P2RX6: variants seen among roughly 807,000 people sequenced by gnomAD.
P2RX6 encodes purinergic receptor P2X 6.
P2RX6 carries 62 observed loss-of-function variants against 54.2 expected under a neutral mutation model. The observed-to-expected ratio is 1.14, with a 90% CI of 0.93 to 1.41. P2RX6 has a LOEUF of 1.41. P2RX6 is among the 40% of genes most tolerant of loss of function. The pLI, the probability that P2RX6 is intolerant of heterozygous loss-of-function variation, is 0.00. For synonymous variants in P2RX6, 211 were observed against 231.9 expected, an observed-to-expected ratio of 0.91 and a Z score of 0.82; for missense variants, 541 against 566.3, an observed-to-expected ratio of 0.96 and a Z score of 0.45.
chr22:21,022,367 G>A (rs911944682), intron 3 of P2RX6, among the ~76,000 whole-genome samples: 2 of 152,122 alleles, frequency 1.3e-5, no homozygotes, highest in African/African-American at 2.4e-5. Context: ...GAGTGAGACC[G>A]AATCACTAAA....
At chr22:21,021,787 C>T (rs1033319862) in intron 3 of P2RX6, among the ~76,000 whole-genome samples, 1 of 152,112 alleles carries the variant, frequency 6.6e-6, no homozygotes, top group Non-Finnish European at 1.5e-5. Flanking sequence ...CCCCTTCTGC[C>T]AGAGCCCCAT....
chr22:21,012,600 A>G (rs1925802616), upstream of P2RX6: 3 of 607,468 alleles, frequency 4.9e-6, no homozygotes, highest in Non-Finnish European at 9.3e-6. Context: ...CACTGTCCCA[A>G]AAGTTCAGCC....
chr22:21,019,722 G>A (rs751823704), intron 3 of P2RX6, among the ~76,000 whole-genome samples: 2 of 152,250 alleles, frequency 1.3e-5, no homozygotes, highest in Non-Finnish European at 2.9e-5. Context: ...AGAGCTGACA[G>A]CCTCGAACAG....
At chr22:21,009,998 T>G (rs1925648912) in intron 1 of P2RX6, 1 of 152,288 alleles carries the variant, frequency 6.6e-6, no homozygotes, top group Non-Finnish European at 1.5e-5. Flanking sequence ...GGCAGGAAGA[T>G]TCTTTCTTCC....
Position 21,027,047 on chromosome 22 carries a change from C to T in P2RX6, c.*430C>T, listed in dbSNP as rs973788094. ...TGCACCCCCATCATAGGTAGAGACC[C>T]CACCCTCCCATCGGTCCTACATGGG... On this transcript the variant is annotated 3_prime_UTR_variant, in exon 12 of 12. Coordinates refer to ENST00000413302, the MANE Select transcript of P2RX6 (RefSeq NM_005446.5). The T allele has an allele frequency of 4.1e-5, 8 of 197,478 alleles. No homozygotes were observed. Among genetic ancestry groups the T allele is most frequent in the Non-Finnish European group, 8.3e-5 (8 of 96,548 alleles). 12.2% of individuals were successfully genotyped at this position (197,478 alleles called of 1,614,324 possible). A position where few individuals can be genotyped will look rare whatever the true frequency, so the allele number is the denominator to read the frequency against.
upstream of P2RX6, chr22:21,011,578 A>G (rs442041): frequency 1.3e-4 from 90 of 715,244 alleles, no homozygotes; most frequent in African/African-American, 7.9e-4. Flanking sequence ...CTGGTTCTCC[A>G]ACAGGTCCAC....
At chr22:21,017,661 G>T (rs1335750258) in intron 2 of P2RX6, among the ~76,000 whole-genome samples, 1 of 152,214 alleles carries the variant, frequency 6.6e-6, no homozygotes, top group Non-Finnish European at 1.5e-5. Flanking sequence ...GTTGCAGTGA[G>T]CACTGATCAC....
chr22:21,023,245 A>G lies in P2RX6; in HGVS notation c.639-30A>G, dbSNP rs575309927. 59 of 1,613,620 alleles carry G rather than the reference A, an allele frequency of 3.7e-5. No homozygotes were observed. The South Asian group carries it at 5.5e-4, about 15-fold the overall frequency. On this transcript the variant is annotated intron_variant, in intron 6 of 11. Transcript: ENST00000413302. The stretch of plus-strand genomic sequence containing the variant: ...TGCCCCAAGACCCTCCTTGTCCCCT[A>G]CCTCATCTGACCTTTCCCACTCCTC...
chr22:21,014,575 C>A (rs1333821270), upstream of P2RX6, among the ~76,000 whole-genome samples: 2 of 152,218 alleles, frequency 1.3e-5, no homozygotes, highest in Non-Finnish European at 2.9e-5. Context: ...GGGAAACACG[C>A]CTGACTCCAG....
upstream of P2RX6, chr22:21,012,474 C>T (rs1358600096): frequency 4.1e-6 from 2 of 492,442 alleles, no homozygotes; most frequent in African/African-American, 2.0e-5. Context: ...AGGCACATCC[C>T]TGAGGAAAGG....
In P2RX6 at chr22:21,022,685, G is replaced by T; in HGVS notation, c.397G>T (p.Val133Phe). 6.4e-7 allele frequency: 1 copy of T among 1,563,710 alleles called. No individual in the cohort carries two copies. The highest frequency in any genetic ancestry group is 1.2e-5 in the South Asian group (1 of 82,082). Residue 133 changes from valine (V) to phenylalanine (F), a missense_variant, in exon 4 of 12, where the codon GTC becomes TTC. Val to Phe is a conservative substitution (Grantham distance 50). This residue lies in a region of P2RX6 where 526 missense variants were observed against 531.5 expected (regional missense o/e 0.99). Coordinates refer to ENST00000413302, the MANE Select transcript of P2RX6 (RefSeq NM_005446.5). Reference sequence around the variant, plus strand: ...CTCTCTCCCACCTCAGCACCCGTCCGTCCCACTGGCTAACTGCTGGGTCGA... The same window carrying T: ...CTCTCTCCCACCTCAGCACCCGTCCTTCCCACTGGCTAACTGCTGGGTCGA... ...VQGRCPEHPS[V>F]PLANCWVDED...
chr22:21,014,641 G>A (rs1926028422), upstream of P2RX6, among the ~76,000 whole-genome samples: 1 of 152,122 alleles, frequency 6.6e-6, no homozygotes, highest in South Asian at 2.1e-4. Context: ...TTTTCAGGAG[G>A]GCCTGGGGAA....
intron 3 of P2RX6, chr22:21,018,917 G>C (rs968849275): frequency 7.2e-5 from 11 of 151,956 alleles, no homozygotes; most frequent in African/African-American, 2.2e-4. Flanking sequence ...CACCACGCCC[G>C]GCCTGATTTC....
At chr22:21,011,844 G>T (rs1925753052), upstream of P2RX6, among the ~76,000 whole-genome samples, 1 of 152,170 alleles carries the variant, frequency 6.6e-6, no homozygotes, top group African/African-American at 2.4e-5. Context: ...GTACTGTAGA[G>T]ACTGCTGTGG....
intron 2 of P2RX6, 46 bp from the exon 3 acceptor site, chr22:21,017,943 A>C (rs1185718398): frequency 6.3e-6 from 8 of 1,273,918 alleles, no homozygotes; most frequent in Admixed American, 1.7e-5. Context: ...CGGCCTTTCC[A>C]GTCAACACGA....
intron 1 of P2RX6, 127 bp from the exon 2 acceptor site, chr22:21,015,815 G>A: frequency 1.1e-6 from 1 of 923,210 alleles, no homozygotes; most frequent in Non-Finnish European, 1.6e-6. Flanking sequence ...CAGAGAGGAG[G>A]TGGGGCCTTC....
chr22:21,021,557 C>T (rs886621045), intron 3 of P2RX6, among the ~76,000 whole-genome samples: 1 of 152,158 alleles, frequency 6.6e-6, no homozygotes, highest in Admixed American at 6.5e-5. Flanking sequence ...CACGACGGCC[C>T]TGTCTTTCAG....
Position 21,025,864 on chromosome 22 carries a change from A to G in P2RX6, c.950A>G (p.Tyr317Cys), listed in dbSNP as rs374837527. ...GAGGCCCGCACCCTGCTCAAGCTCT[A>G]TGGAATCCGCTTCGACATCCTCGTC... ...GVEARTLLKL[Y>C]GIRFDILVTG... Residue 317 changes from tyrosine to cysteine, a missense_variant, in exon 9 of 12, where the codon TAT becomes TGT. By Grantham distance (194) the Tyr-to-Cys change is radical (BLOSUM62 -2). Around this residue, in one of 2 missense-constraint regions of P2RX6, gnomAD observed 526 missense variants for 531.5 expected, o/e 0.99. Coordinates refer to ENST00000413302, the MANE Select transcript of P2RX6 (RefSeq NM_005446.5). 1.1e-5 allele frequency: 17 copies of G among 1,574,220 alleles called. No individual in the cohort carries two copies. Among genetic ancestry groups the G allele is most frequent in the African/African-American group, 2.7e-5 (2 of 73,944 alleles).
Position 21,022,657 on chromosome 22 carries a change from G to A in P2RX6, c.388-19G>A, listed in dbSNP as rs1043359472. On this transcript the variant is annotated intron_variant, in intron 3 of 11. Transcript: ENST00000413302. Reference sequence around the variant, plus strand: ...GACATCCCCTGTGCCATTGGTGACTGCTCTCTCTCCCACCTCAGCACCCGT... The same window carrying A: ...GACATCCCCTGTGCCATTGGTGACTACTCTCTCTCCCACCTCAGCACCCGT... The A allele has an allele frequency of 1.1e-4, 160 of 1,503,344 alleles. 3 individuals are homozygous for A. The South Asian group carries it at 2.0e-3, about 19-fold the overall frequency. The allele number at this position is 1,503,344 out of a possible 1,614,324, so 93.1% of individuals were successfully genotyped here. A position where few individuals can be genotyped will look rare whatever the true frequency, so the allele number is the denominator to read the frequency against.
Sources: allele counts gnomAD v4.1 joint callset (sites outside exome capture counted in the v4.1 genomes callset), GRCh38; gene constraint gnomAD v4.1.1; regional missense constraint gnomAD v4.1.1; transcripts MANE v1.5; gene names NCBI Gene and HGNC (gene_info 2026-07-23, HGNC 2026-07-21).